INSYN2B: variants seen among roughly 807,000 people sequenced by gnomAD.
INSYN2B encodes protein INSYN2B.
Under a neutral mutation model 41.2 loss-of-function variants are expected in INSYN2B, and 16 were observed. The ratio of observed to expected loss-of-function variants is 0.39; its 90% CI spans 0.26 to 0.59. The LOEUF is 0.59. INSYN2B is among the 20% of genes least tolerant of loss of function. The probability of loss-of-function intolerance (pLI) is 0.57; values close to 1 mark genes in which losing one functional copy is unlikely to be tolerated. For missense variants in INSYN2B, 608 were observed against 646.4 expected (o/e 0.94, Z 0.64); for synonymous variants, 245 against 244.4 (o/e 1.00, Z -0.02).
chr5:169,867,381 G>A (rs1396671956), intron 3 of INSYN2B, among the ~76,000 whole-genome samples: 5 of 152,118 alleles, frequency 3.3e-5, no homozygotes, highest in Non-Finnish European at 4.4e-5. Context: ...TGGGAGTTAT[G>A]AGCCAGGAAC....
At chr5:169,926,646 C>T (rs922771722) in intron 1 of INSYN2B, among the ~76,000 whole-genome samples, 12 of 152,298 alleles carry the variant, frequency 7.9e-5, no homozygotes, top group African/African-American at 2.9e-4. Context: ...TTATGCCATA[C>T]GTCACCCACT....
At chr5:169,975,677 C>G (rs1255856629) in intron 1 of INSYN2B, among the ~76,000 whole-genome samples, 1 of 152,214 alleles carries the variant, frequency 6.6e-6, no homozygotes, top group Non-Finnish European at 1.5e-5. Context: ...GAAAATAGGG[C>G]AGATACTCCA....
rs1253435475 is a variant in INSYN2B, at chr5:169,883,176, T to C, written c.723A>G (p.Pro241=). The C allele has an allele frequency of 6.4e-7, 1 of 1,551,542 alleles. No homozygotes were observed. Among genetic ancestry groups the C allele is most frequent in the Non-Finnish European group, 8.7e-7 (1 of 1,146,948 alleles). The change falls in exon 2 of 4, where the codon CCA becomes CCG. Residue 241 remains proline, a synonymous_variant. Transcript: ENST00000377365. ...NSIHPLDDTR[P]GDGRRVTPLD... Reference sequence around the variant, plus strand: ...GTGGAGTCACCCTTCTCCCATCACCTGGACGTGTGTCATCCAAAGGGTGTA... The same window carrying C: ...GTGGAGTCACCCTTCTCCCATCACCCGGACGTGTGTCATCCAAAGGGTGTA...
intron 1 of INSYN2B, among the ~76,000 whole-genome samples, chr5:169,926,990 T>C (rs1277270879): frequency 2.0e-5 from 3 of 152,240 alleles, no homozygotes; most frequent in African/African-American, 7.2e-5. Context: ...TGGCCAAGGA[T>C]AACATCTCTC....
rs148311128 is a variant in INSYN2B at position 169,954,822 on chromosome 5, C to T, written c.-919+25455G>A. Among the ~76,000 whole-genome samples the T allele has an allele frequency of 9.3e-3, 1,415 of 152,320 alleles. 23 individuals carry two copies. The highest frequency in any genetic ancestry group is 0.032 in the African/African-American group (1,342 of 41,558). Reference sequence around the variant, plus strand: ...GCAGCTGATGCTGGGAAGGCTCATACAGGTCCACCCAGGCTGCAAGTGTGT... The same window carrying T: ...GCAGCTGATGCTGGGAAGGCTCATATAGGTCCACCCAGGCTGCAAGTGTGT... On this transcript the variant is annotated intron_variant, in intron 1 of 3. Transcript: ENST00000377365.
At chr5:169,872,491 G>A (rs944197201) in intron 3 of INSYN2B, among the ~76,000 whole-genome samples, 1 of 152,144 alleles carries the variant, frequency 6.6e-6, no homozygotes, top group Admixed American at 6.5e-5. Flanking sequence ...TTTCAAATTG[G>A]CAAGTCTACC....
At chr5:169,955,014 G>C (rs1776806248) in intron 1 of INSYN2B, among the ~76,000 whole-genome samples, 1 of 152,224 alleles carries the variant, frequency 6.6e-6, no homozygotes, top group Admixed American at 6.5e-5. Flanking sequence ...GAAGGCTCAA[G>C]GGATTGGAAG....
At chr5:169,897,581 G>T (rs1773686784) in intron 1 of INSYN2B, among the ~76,000 whole-genome samples, 1 of 152,210 alleles carries the variant, frequency 6.6e-6, no homozygotes, top group Non-Finnish European at 1.5e-5. Context: ...GGGAAGTAGG[G>T]TTGCCCTGTA....
intron 1 of INSYN2B, among the ~76,000 whole-genome samples, chr5:169,895,122 C>T (rs898434791): frequency 6.6e-5 from 10 of 152,236 alleles, no homozygotes; most frequent in African/African-American, 2.4e-4. Context: ...ATGCAAATCA[C>T]AGGCTGTGTA....
In INSYN2B at chr5:169,920,932, T is replaced by C. The variant is rs541418937; in HGVS notation, c.-918-36116A>G. On this transcript the variant is annotated intron_variant, in intron 1 of 3. Coordinates refer to ENST00000377365, the MANE Select transcript of INSYN2B (RefSeq NM_001129891.3). ...CAGCAGCTCTTATTGTCAAAAAATA[T>C]AGTTAAACAGTTTATTAGATGAACT... 2.2e-4 allele frequency among the ~76,000 whole-genome samples: 34 copies of C among 152,302 alleles called. 1 individual carries two copies. In the South Asian group the frequency reaches 6.2e-3, roughly 28 times the overall value.
At chr5:169,946,270 C>T (rs927396019) in intron 1 of INSYN2B, among the ~76,000 whole-genome samples, 1 of 152,180 alleles carries the variant, frequency 6.6e-6, no homozygotes, top group Non-Finnish European at 1.5e-5. Flanking sequence ...TTCCAGCCCC[C>T]CACATCCAGC....
chr5:169,895,269 C>G (rs1182190692), intron 1 of INSYN2B, among the ~76,000 whole-genome samples: 1 of 152,148 alleles, frequency 6.6e-6, no homozygotes, highest in East Asian at 1.9e-4. Context: ...CCTTCTTTCT[C>G]CTTTCCTCCC....
At chr5:169,866,600 C>G (rs1181880184) in intron 3 of INSYN2B, among the ~76,000 whole-genome samples, 1 of 152,170 alleles carries the variant, frequency 6.6e-6, no homozygotes, top group Non-Finnish European at 1.5e-5. Context: ...AGACAATCTC[C>G]CTGGCCTCCT....
rs34023676 is a variant in INSYN2B at position 169,971,188 on chromosome 5, C to CAAA, written c.-919+9086_-919+9088dup. On this transcript the variant is annotated intron_variant, in intron 1 of 3. Transcript: ENST00000377365. The stretch of plus-strand genomic sequence containing the variant: ...AGAGGTGAACAGAGGGAAAGAAAGG[C>CAAA]AAAAAAAAAAATGAGTATGACATCA... Among the ~76,000 whole-genome samples, 137 of 143,814 alleles carry CAAA rather than the reference C, an allele frequency of 9.5e-4. 1 individual carries two copies. The highest frequency in any genetic ancestry group is 1.0e-3 in the Admixed American group (15 of 14,566). 94.3% of individuals were successfully genotyped at this position (143,814 alleles called of 152,430 possible).
chr5:169,972,910 T>G (rs1033482662), intron 1 of INSYN2B, among the ~76,000 whole-genome samples: 27 of 152,206 alleles, frequency 1.8e-4, no homozygotes, highest in African/African-American at 6.3e-4. Context: ...ACCACCCCCC[T>G]CCCCAATAAG....
At chr5:169,867,119 T>G (rs1034290746) in intron 3 of INSYN2B, among the ~76,000 whole-genome samples, 1 of 152,206 alleles carries the variant, frequency 6.6e-6, no homozygotes, top group Non-Finnish European at 1.5e-5. Flanking sequence ...TGGTGTATCA[T>G]AAAGGATATT....
At chr5:169,956,101 C>T (rs1776855928) in intron 1 of INSYN2B, among the ~76,000 whole-genome samples, 1 of 151,798 alleles carries the variant, frequency 6.6e-6, no homozygotes, top group East Asian at 1.9e-4. Context: ...CTGGCTTTGC[C>T]ACAAATTTGC....
At chr5:169,874,189 G>A (rs777363097) in intron 3 of INSYN2B, among the ~76,000 whole-genome samples, 1 of 152,088 alleles carries the variant, frequency 6.6e-6, no homozygotes, top group Non-Finnish European at 1.5e-5. Flanking sequence ...AAGGTCAGTG[G>A]ATCACTTGAG....
intron 1 of INSYN2B, among the ~76,000 whole-genome samples, chr5:169,944,178 C>G (rs903435324): frequency 3.9e-5 from 6 of 152,158 alleles, no homozygotes; most frequent in Admixed American, 2.0e-4. Context: ...AGCTGCCACA[C>G]CAAAGGCCCT....
Sources: allele counts gnomAD v4.1 joint callset (sites outside exome capture counted in the v4.1 genomes callset), GRCh38; gene constraint gnomAD v4.1.1; transcripts MANE v1.5; gene names NCBI Gene and HGNC (gene_info 2026-07-23, HGNC 2026-07-21).